WFDC9: variants seen among roughly 807,000 people sequenced by gnomAD.
The protein encoded by WFDC9 is WAP four-disulfide core domain 9.
Under a neutral mutation model 9.5 loss-of-function variants are expected in WFDC9, and 9 were observed. The observed-to-expected ratio is 0.95, with a 90% CI of 0.57 to 1.65. The LOEUF (loss-of-function observed/expected upper bound fraction) is 1.65, where lower values mean the gene tolerates loss of function less well. Ranked by LOEUF, WFDC9 falls within the 40% of genes most tolerant of loss-of-function variation. The pLI, the probability that WFDC9 is intolerant of heterozygous loss-of-function variation, is 0.00. For missense variants in WFDC9, 87 were observed against 106.7 expected, an observed-to-expected ratio of 0.82 and a Z score of 0.81; for synonymous variants, 33 against 32.3, an observed-to-expected ratio of 1.02 and a Z score of -0.07.
At chr20:45,615,091 C>T (rs965953063) in intron 1 of WFDC9, among the ~76,000 whole-genome samples, 1 of 152,170 alleles carries the variant, frequency 6.6e-6, no homozygotes, top group African/African-American at 2.4e-5. Flanking sequence ...AGTATTGATT[C>T]TCTTTTACCA....
At chr20:45,612,497 T>C (rs1981882470) in intron 2 of WFDC9, among the ~76,000 whole-genome samples, 1 of 151,480 alleles carries the variant, frequency 6.6e-6, no homozygotes, top group South Asian at 2.1e-4. Context: ...AGGAGAAAAA[T>C]AAGGAAATGG....
chr20:45,617,678 G>A (rs1255768596), intron 1 of WFDC9, among the ~76,000 whole-genome samples: 2 of 151,948 alleles, frequency 1.3e-5, no homozygotes, highest in African/African-American at 2.4e-5. Flanking sequence ...TTATTGAGAT[G>A]GGGTCTCACT....
intron 1 of WFDC9, among the ~76,000 whole-genome samples, chr20:45,625,430 T>C (rs796318664): frequency 9.2e-5 from 14 of 152,320 alleles, no homozygotes; most frequent in African/African-American, 3.1e-4. Flanking sequence ...GTGTCGATTG[T>C]TTCCTTTGCT....
chr20:45,623,555 G>GTTAAA (rs1300754145), intron 1 of WFDC9, among the ~76,000 whole-genome samples: 1 of 151,590 alleles, frequency 6.6e-6, no homozygotes, highest in Non-Finnish European at 1.5e-5. Context: ...TTAACTCAGG[G>GTTAAA]GGCGGAGGTT....
intron 1 of WFDC9, among the ~76,000 whole-genome samples, chr20:45,618,907 A>G (rs3092152): frequency 0.32 from 48,504 of 152,160 alleles, 7,805 homozygotes; most frequent in Middle Eastern, 0.43. Context: ...TTCAATTTGT[A>G]AAACATGCAA....
chr20:45,608,953 A>G, intron 3 of WFDC9, 143 bp from the exon 4 acceptor site: 1 of 912,364 alleles, frequency 1.1e-6, no homozygotes, highest in East Asian at 2.7e-5. Flanking sequence ...TCCTCAAATT[A>G]TAACCAGTGT....
chr20:45,610,072 C>A lies in WFDC9; in HGVS notation c.91+19G>T, dbSNP rs777302838. 1.9e-6 allele frequency: 3 copies of A among 1,611,306 alleles called. No homozygotes were observed. The highest frequency in any genetic ancestry group is 2.2e-5 in the East Asian group (1 of 44,854). ...CCCAGGACTGGGCAGAGCACCCCGTCCCTTTTCACACCACCCACAGGGATC... is the reference window on the plus strand; with the variant it reads ...CCCAGGACTGGGCAGAGCACCCCGTACCTTTTCACACCACCCACAGGGATC... On this transcript the variant is annotated intron_variant, in intron 3 of 4. Coordinates refer to ENST00000326000, the MANE Select transcript of WFDC9 (RefSeq NM_147198.4).
At chr20:45,615,487 T>C (rs1359560970) in intron 1 of WFDC9, among the ~76,000 whole-genome samples, 2 of 152,198 alleles carry the variant, frequency 1.3e-5, no homozygotes, top group African/African-American at 4.8e-5. Flanking sequence ...GATACAGGCA[T>C]ACCTCGGAGA....
intron 1 of WFDC9, chr20:45,629,693 G>A (rs1982307626): frequency 3.9e-6 from 5 of 1,296,396 alleles, no homozygotes; most frequent in Non-Finnish European, 5.3e-6. Flanking sequence ...GACTTGGCCA[G>A]TAGAGGCAGT....
rs139643257 is a variant in WFDC9 at position 45,608,718 on chromosome 20, G to A, written c.184C>T (p.Arg62Cys). Residue 62 changes from arginine to cysteine, a missense_variant, in exon 4 of 5, where the codon CGT becomes TGT. By Grantham distance (180) the Arg-to-Cys change is radical. Coordinates refer to ENST00000326000, the MANE Select transcript of WFDC9 (RefSeq NM_147198.4). ...GTCCAGCAGCATGTATGATTTGGAC[G>A]TACACAAGTCATTATTTTAGTACAC... ...KRCTKIMTCV[R>C]PNHTCCWTYC... 6,160 of 1,614,010 alleles carry A rather than the reference G, an allele frequency of 3.8e-3. 13 individuals are homozygous for A. Among genetic ancestry groups the A allele is most frequent in the Non-Finnish European group, 4.9e-3 (5,744 of 1,179,920 alleles).
chr20:45,613,982 T>C (rs899761809), intron 2 of WFDC9, among the ~76,000 whole-genome samples: 2 of 152,196 alleles, frequency 1.3e-5, no homozygotes, highest in East Asian at 1.9e-4. Flanking sequence ...AATACTGATA[T>C]ACAGTGACAG....
chr20:45,629,919 G>C (rs1325432397), intron 1 of WFDC9: 1 of 1,612,682 alleles, frequency 6.2e-7, no homozygotes, highest in Admixed American at 1.7e-5. Context: ...GTGATGGGCT[G>C]CTGGATGGGT....
chr20:45,619,084 G>A (rs979923089), intron 1 of WFDC9, among the ~76,000 whole-genome samples: 2 of 152,206 alleles, frequency 1.3e-5, no homozygotes, highest in Non-Finnish European at 2.9e-5. Flanking sequence ...AGGTAAAAAG[G>A]TGTGGGAACA....
chr20:45,629,011 T>C (rs3091838), intron 1 of WFDC9, among the ~76,000 whole-genome samples: 53,247 of 151,626 alleles, frequency 0.35, 9,377 homozygotes, highest in Middle Eastern at 0.43. Context: ...GACTGATAGG[T>C]CTCTCCCCCT....
chr20:45,620,156 G>A (rs578239755), intron 1 of WFDC9, among the ~76,000 whole-genome samples: 5 of 152,148 alleles, frequency 3.3e-5, no homozygotes, highest in Non-Finnish European at 5.9e-5. Flanking sequence ...TTATTAAGTA[G>A]CGTTATTTGT....
At chr20:45,629,952 A>C in intron 1 of WFDC9, 10 of 1,587,234 alleles carry the variant, frequency 6.3e-6, no homozygotes, top group South Asian at 3.4e-5. Context: ...GGTAGGGGGA[A>C]TGGAGGGCCT....
At chr20:45,629,975 A>T in intron 1 of WFDC9, 1 of 1,571,130 alleles carries the variant, frequency 6.4e-7, no homozygotes, top group Non-Finnish European at 8.6e-7. Flanking sequence ...GTCCAGTCTG[A>T]GTAGGACCTA....
chr20:45,631,117 G>A, intron 1 of WFDC9, 86 bp downstream of exon 1: 1 of 1,377,512 alleles, frequency 7.3e-7, no homozygotes, highest in South Asian at 1.7e-5. Context: ...ACCAGCATAA[G>A]AACATCAACA....
At chr20:45,628,873 A>G (rs1982284804) in intron 1 of WFDC9, among the ~76,000 whole-genome samples, 1 of 152,190 alleles carries the variant, frequency 6.6e-6, no homozygotes, top group Non-Finnish European at 1.5e-5. Flanking sequence ...CTGGGAGTCC[A>G]GTGACCCTAG....
Sources: gnomAD v4.1 joint callset for allele counts (sites outside exome capture counted in the v4.1 genomes callset) on GRCh38, gnomAD v4.1.1 for gene constraint, MANE v1.5 for transcripts, NCBI Gene and HGNC (gene_info 2026-07-23, HGNC 2026-07-21) for gene names.